Variants in WDR70 observed in about 807,000 individuals in gnomAD.
The protein encoded by WDR70 is WD repeat-containing protein 70.
In WDR70, 53 loss-of-function variants were observed where a neutral mutation model predicts 88.6. That is an observed-to-expected ratio of 0.60 (90% confidence interval 0.48 to 0.75). WDR70 has a LOEUF of 0.75. Ranked by LOEUF, WDR70 falls within the 30% of genes least tolerant of loss-of-function variation. WDR70 has a pLI of 0.00. For missense variants in WDR70, 610 were observed against 823.2 expected (o/e 0.74, Z 3.17); for synonymous variants, 280 against 270.0 (o/e 1.04, Z -0.36).
chr5:37,583,742 G>C (rs909216289), intron 9 of WDR70, among the ~76,000 whole-genome samples: 2 of 152,130 alleles, frequency 1.3e-5, no homozygotes, highest in Non-Finnish European at 2.9e-5. Flanking sequence ...TGGGAGAAAA[G>C]TTGATATTCA....
At chr5:37,506,434 G>A (rs75587327) in intron 8 of WDR70, 35,532 of 769,524 alleles carry the variant, frequency 0.046, 986 homozygotes, top group South Asian at 0.075. Context: ...AAGTACTCAG[G>A]ACTTTGGTCA....
chr5:37,451,395 G>A (rs548718020), intron 7 of WDR70, among the ~76,000 whole-genome samples: 35 of 152,140 alleles, frequency 2.3e-4, no homozygotes, highest in East Asian at 3.9e-4. Flanking sequence ...TATCTGTATC[G>A]TCCAGTATGG....
chr5:37,702,502 G>C (rs1747193562), intron 12 of WDR70, among the ~76,000 whole-genome samples: 1 of 152,166 alleles, frequency 6.6e-6, no homozygotes, highest in Non-Finnish European at 1.5e-5. Flanking sequence ...GGTGATGGTA[G>C]TGGTGTTAGT....
rs550575567 is a variant in WDR70 at position 37,419,543 on chromosome 5, G to A, written c.493-18379G>A. Among the ~76,000 whole-genome samples, 13 of 151,632 alleles carry A rather than the reference G, an allele frequency of 8.6e-5. No individual in the cohort carries two copies. The South Asian group carries it at 2.7e-3, about 32-fold the overall frequency. ...AAAAACTGAATTTAGGCTGGGCATG[G>A]TGGCTCATGCCTGTAATCCCAGCAC... On this transcript the variant is annotated intron_variant, in intron 5 of 17. Transcript: ENST00000265107.
intron 9 of WDR70, among the ~76,000 whole-genome samples, chr5:37,577,591 GGAGAGAGATACACGTGT>G (rs1437555224): frequency 6.6e-6 from 1 of 152,178 alleles, no homozygotes; most frequent in African/African-American, 2.4e-5. Flanking sequence ...GAATGGAGGA[GGAGAGAGATACACGTGT>G]GAGGCAAAAT....
chr5:37,673,168 CTG>C (rs1746081789), intron 10 of WDR70, among the ~76,000 whole-genome samples: 1 of 152,054 alleles, frequency 6.6e-6, no homozygotes. Flanking sequence ...TTTTCTGTTC[CTG>C]TGTTAGTTTG....
intron 9 of WDR70, among the ~76,000 whole-genome samples, chr5:37,593,396 G>A (rs983291330): frequency 2.0e-5 from 3 of 152,112 alleles, no homozygotes; most frequent in Non-Finnish European, 2.9e-5. Flanking sequence ...GAGAACATGC[G>A]GTGTTTGATT....
intron 8 of WDR70, chr5:37,505,984 G>GT (rs1740547730): frequency 6.3e-7 from 1 of 1,587,352 alleles, no homozygotes; most frequent in African/African-American, 1.3e-5. Flanking sequence ...AAATTACACA[G>GT]TTTCAGGGAT....
intron 9 of WDR70, among the ~76,000 whole-genome samples, chr5:37,552,271 G>C (rs1415010383): frequency 6.6e-6 from 1 of 152,114 alleles, no homozygotes; most frequent in East Asian, 1.9e-4. Context: ...AAAAGGCCAA[G>C]TTTGCTATTA....
chr5:37,445,894 C>G lies in WDR70; in HGVS notation c.686+2522C>G, dbSNP rs557849960. Among the ~76,000 whole-genome samples the G allele has an allele frequency of 2.3e-3, 350 of 152,284 alleles. 2 individuals carry two copies. Among genetic ancestry groups the G allele is most frequent in the African/African-American group, 8.2e-3 (339 of 41,554 alleles). On this transcript the variant is annotated intron_variant, in intron 7 of 17. Coordinates refer to ENST00000265107, the MANE Select transcript of WDR70 (RefSeq NM_018034.4). ...AAAACTGGCACAAGACAGGGATGCC[C>G]TCTCTCACCACTCCTATTCAACATA...
At chr5:37,476,751 C>T (rs143686188) in intron 7 of WDR70, among the ~76,000 whole-genome samples, 9 of 152,264 alleles carry the variant, frequency 5.9e-5, no homozygotes, top group African/African-American at 9.6e-5. Flanking sequence ...GGGGTTTCAC[C>T]ATGTTAGCCA....
chr5:37,501,472 A>G (rs1740403577), intron 8 of WDR70, among the ~76,000 whole-genome samples: 1 of 152,178 alleles, frequency 6.6e-6, no homozygotes, highest in Non-Finnish European at 1.5e-5. Context: ...GGACACACAT[A>G]AAATATATTA....
chr5:37,475,160 T>C (rs1361915016), intron 7 of WDR70, among the ~76,000 whole-genome samples: 2 of 151,920 alleles, frequency 1.3e-5, no homozygotes, highest in Admixed American at 1.3e-4. Flanking sequence ...CCTCAAGTGA[T>C]CCACCTGCCT....
chr5:37,575,179 A>G (rs577290565), intron 9 of WDR70, among the ~76,000 whole-genome samples: 2 of 152,306 alleles, frequency 1.3e-5, no homozygotes, highest in African/African-American at 4.8e-5. Flanking sequence ...CTTTAGTTGG[A>G]ATTTATAACA....
intron 10 of WDR70, among the ~76,000 whole-genome samples, chr5:37,624,735 G>C (rs944021223): frequency 6.6e-6 from 1 of 152,186 alleles, no homozygotes; most frequent in African/African-American, 2.4e-5. Flanking sequence ...GTTCAACAAA[G>C]TATGGACAGT....
chr5:37,518,812 T>C (rs970819763), intron 9 of WDR70, among the ~76,000 whole-genome samples: 6 of 152,024 alleles, frequency 3.9e-5, no homozygotes, highest in African/African-American at 9.7e-5. Context: ...TTCTCTGGTT[T>C]TCCTAGGCAG....
Position 37,725,001 on chromosome 5 carries a change from ACTGGATCCCCTGAAGTCGCATAAAC to A in WDR70, c.1669_1693del (p.Asp557AsnfsTer4). On this transcript the variant is annotated frameshift_variant, in exon 16 of 18. Coordinates refer to ENST00000265107, the MANE Select transcript of WDR70 (RefSeq NM_018034.4). LOFTEE classifies it high-confidence loss of function. Reference sequence around the variant, plus strand: ...CAAGGAAACAGCTGGAGAAGGACAGACTGGATCCCCTGAAGTCGCATAAACCTGAACCTCCTGTAGCAGGCCCAGG... The same window carrying A: ...CAAGGAAACAGCTGGAGAAGGACAGACTGAACCTCCTGTAGCAGGCCCAGG... The A allele has an allele frequency of 6.2e-7, 1 of 1,613,688 alleles. No individual in the cohort carries two copies. Among genetic ancestry groups the A allele is most frequent in the African/African-American group, 1.3e-5 (1 of 74,992 alleles).
rs542558828 is a variant in WDR70 at position 37,719,323 on chromosome 5, A to G, written c.1417-1792A>G. Among the ~76,000 whole-genome samples the G allele has an allele frequency of 9.2e-5, 14 of 152,112 alleles. 1 individual carries two copies. Among genetic ancestry groups the G allele is most frequent in the Non-Finnish European group, 2.1e-4 (14 of 67,996 alleles). On this transcript the variant is annotated intron_variant, in intron 13 of 17. Coordinates refer to ENST00000265107, the MANE Select transcript of WDR70 (RefSeq NM_018034.4). Reference sequence around the variant, plus strand: ...ATGTATGCATTATAAACTAGGTTTTACAAGCATAGGTACAAAGCAACAACA... The same window carrying G: ...ATGTATGCATTATAAACTAGGTTTTGCAAGCATAGGTACAAAGCAACAACA...
chr5:37,662,231 C>T (rs1745720849), intron 10 of WDR70, among the ~76,000 whole-genome samples: 1 of 152,206 alleles, frequency 6.6e-6, no homozygotes. Flanking sequence ...AACAGCAAAG[C>T]TTCAGTGTTT....
Sources: gnomAD v4.1 joint callset for allele counts (sites outside exome capture counted in the v4.1 genomes callset) on GRCh38, gnomAD v4.1.1 for gene constraint, MANE v1.5 for transcripts, NCBI Gene and HGNC (gene_info 2026-07-23, HGNC 2026-07-21) for gene names.